The following ADGRL2 variants were observed in gnomAD, a reference collection of about 807,000 sequenced individuals.
The protein encoded by ADGRL2 is adhesion G protein-coupled receptor L2, also known as calcium-independent alpha-latrotoxin receptor 2.
Under a neutral mutation model 157.4 loss-of-function variants are expected in ADGRL2, and 44 were observed. The observed-to-expected ratio is 0.28, with a 90% confidence interval of 0.22 to 0.36. The LOEUF (loss-of-function observed/expected upper bound fraction) is 0.36. Ranked by LOEUF, ADGRL2 falls within the 10% of genes least tolerant of loss-of-function variation. ADGRL2 has a pLI of 1.00. For synonymous variants in ADGRL2, 585 were observed against 624.7 expected (o/e 0.94, Z 0.95); for missense variants, 1,510 against 1,768.9 (o/e 0.85, Z 2.63).
chr1:81,873,688 A>G (rs2093756684), intron 2 of ADGRL2, among the ~76,000 whole-genome samples: 1 of 152,100 alleles, frequency 6.6e-6, no homozygotes, highest in African/African-American at 2.4e-5. Context: ...CTTGGATAGT[A>G]TATTCTATGA....
chr1:81,698,664 C>T (rs1366570339), upstream of ADGRL2, among the ~76,000 whole-genome samples: 5 of 152,152 alleles, frequency 3.3e-5, no homozygotes, highest in African/African-American at 1.2e-4. Context: ...TAAAATCCCA[C>T]CTCTAGAGTA....
rs2082096961 is a variant in ADGRL2, at chr1:81,635,423, AT to A, written c.-143+54444del. On this transcript the variant is annotated intron_variant, in intron 3 of 24. Coordinates refer to the ADGRL2 transcript ENST00000370721. ...CTCTCAAACCTTTGCATGTCATCTT[AT>A]CAGTGGATGTCTTAGTCCCTTTGGG... Among the ~76,000 whole-genome samples, 6 of 152,336 alleles carry A rather than the reference AT, an allele frequency of 3.9e-5. No homozygotes were observed. The South Asian group carries it at 1.2e-3, about 32-fold the overall frequency.
chr1:81,524,315 G>A (rs1407249725), intron 2 of ADGRL2, among the ~76,000 whole-genome samples: 5 of 152,096 alleles, frequency 3.3e-5, no homozygotes, highest in Non-Finnish European at 7.4e-5. Context: ...GCAGTGAGCC[G>A]AGATCGAGCC....
At chr1:81,938,186 G>A (rs1407865297) in intron 4 of ADGRL2, among the ~76,000 whole-genome samples, 1 of 151,580 alleles carries the variant, frequency 6.6e-6, no homozygotes, top group East Asian at 1.9e-4. Context: ...ATTCTCCTGT[G>A]CCACTAGAGG....
At chr1:81,613,354 GCA>G (rs200458077) in intron 3 of ADGRL2, among the ~76,000 whole-genome samples, 2 of 152,144 alleles carry the variant, frequency 1.3e-5, no homozygotes, top group East Asian at 3.9e-4. Context: ...GCCAAGCAAG[GCA>G]CAAAAACAAA....
intron 2 of ADGRL2, among the ~76,000 whole-genome samples, chr1:81,794,752 GA>G (rs1164741584): frequency 6.6e-6 from 1 of 152,122 alleles, no homozygotes; most frequent in East Asian, 1.9e-4. Context: ...CTGACCTTAA[GA>G]ATGCATTGTA....
chr1:81,931,771 A>G (rs1359474183), intron 3 of ADGRL2, among the ~76,000 whole-genome samples: 2 of 151,992 alleles, frequency 1.3e-5, no homozygotes, highest in Admixed American at 6.6e-5. Context: ...AGCTGGAACT[A>G]CAGGCACATA....
chr1:81,408,563 AG>A (rs2076894921), intron 1 of ADGRL2, among the ~76,000 whole-genome samples: 1 of 152,212 alleles, frequency 6.6e-6, no homozygotes, highest in Non-Finnish European at 1.5e-5. Context: ...TCGCGTGCCT[AG>A]ACTTGTACTT....
intron 3 of ADGRL2, among the ~76,000 whole-genome samples, chr1:81,618,064 T>G (rs2081702408): frequency 1.8e-5 from 2 of 112,258 alleles, no homozygotes; most frequent in Admixed American, 1.8e-4. Flanking sequence ...TTATGTTGGG[T>G]TTTTTTTTTC....
intron 2 of ADGRL2, among the ~76,000 whole-genome samples, chr1:81,451,517 T>C (rs1015896702): frequency 4.6e-5 from 7 of 152,222 alleles, no homozygotes; most frequent in Non-Finnish European, 8.8e-5. Flanking sequence ...TTTCACCACA[T>C]GTGGTTGTGT....
intron 1 of ADGRL2, among the ~76,000 whole-genome samples, chr1:81,727,544 T>C (rs1019335682): frequency 2.0e-5 from 3 of 152,140 alleles, no homozygotes; most frequent in African/African-American, 7.2e-5. Context: ...GCAATTCTCC[T>C]GCCTCAGCCT....
chr1:81,626,409 A>G (rs1191517117), intron 3 of ADGRL2, among the ~76,000 whole-genome samples: 3 of 152,148 alleles, frequency 2.0e-5, no homozygotes, highest in Admixed American at 6.5e-5. Flanking sequence ...GGGCTCAAGC[A>G]GTCCTCCCAC....
chr1:81,344,726 T>C (rs991517988), intron 1 of ADGRL2, among the ~76,000 whole-genome samples: 4 of 150,012 alleles, frequency 2.7e-5, no homozygotes, highest in African/African-American at 7.4e-5. Context: ...TGTCCAGAAC[T>C]GTTACATCAG....
chr1:81,567,185 A>T (rs1380194340), intron 2 of ADGRL2, among the ~76,000 whole-genome samples: 1 of 152,168 alleles, frequency 6.6e-6, no homozygotes, highest in Non-Finnish European at 1.5e-5. Context: ...AGATCTAGTC[A>T]TAAATTATCT....
chr1:81,413,414 A>G (rs2076981831), intron 1 of ADGRL2, among the ~76,000 whole-genome samples: 1 of 152,210 alleles, frequency 6.6e-6, no homozygotes, highest in African/African-American at 2.4e-5. Context: ...TTTGTCATTA[A>G]TAACCAAAGT....
In ADGRL2 at chr1:81,987,048, T is replaced by A. The variant is rs1663363578; in HGVS notation, c.3637+19T>A. Reference sequence around the variant, plus strand: ...TCACCAGGTGTGCTTTACTTACAAATAAAACTACCTTTCTTTGCTGCTAAA... The same window carrying A: ...TCACCAGGTGTGCTTTACTTACAAAAAAAACTACCTTTCTTTGCTGCTAAA... On this transcript the variant is annotated intron_variant, in intron 22 of 23. Transcript: ENST00000686636. 1 of 1,607,646 alleles carries A rather than the reference T, an allele frequency of 6.2e-7. No homozygotes were observed. The highest frequency in any genetic ancestry group is 8.5e-7 in the Non-Finnish European group (1 of 1,177,894).
rs71085377 is a variant in ADGRL2 at position 81,842,353 on chromosome 1, CTTTTTT to C, written c.73+5313_73+5318del. Among the ~76,000 whole-genome samples the C allele has an allele frequency of 6.6e-4, 36 of 54,958 alleles. No homozygotes were observed. In the East Asian group the frequency reaches 0.022, roughly 33 times the overall value. The allele number at this position is 54,958 out of a possible 152,430, so 36.1% of individuals were successfully genotyped here. ...AAAGGATTTTTTTTTTCTTTTAGCG[CTTTTTT>C]TTTTTTTTTTTTTTTTAAGATGGAG... is the stretch of plus-strand genomic sequence containing the variant. On this transcript the variant is annotated intron_variant, in intron 2 of 23. Coordinates refer to ENST00000686636, the MANE Select transcript of ADGRL2 (RefSeq NM_001366006.2).
chr1:81,372,797 C>T (rs2076183741), intron 1 of ADGRL2, among the ~76,000 whole-genome samples: 1 of 152,152 alleles, frequency 6.6e-6, no homozygotes, highest in Admixed American at 6.5e-5. Flanking sequence ...ATGTCTGACC[C>T]AGGCACACAG....
intron 1 of ADGRL2, among the ~76,000 whole-genome samples, chr1:81,753,944 T>C (rs778443133): frequency 3.2e-4 from 48 of 152,148 alleles, no homozygotes; most frequent in Non-Finnish European, 5.9e-4. Context: ...GGGGGAATAT[T>C]CTTTAGTCTA....
Sources: allele counts gnomAD v4.1 joint callset (sites outside exome capture counted in the v4.1 genomes callset), GRCh38; gene constraint gnomAD v4.1.1; transcripts MANE v1.5; gene names NCBI Gene and HGNC (gene_info 2026-07-23, HGNC 2026-07-21).